RGSL1: variants seen among roughly 807,000 people sequenced by gnomAD.
RGSL1 encodes regulator of G protein signaling protein-like.
In RGSL1, 97 loss-of-function variants were observed where a neutral mutation model predicts 124.7. The observed-to-expected ratio is 0.78, with a 90% CI of 0.66 to 0.92. The LOEUF is 0.92. Among genes scored for constraint, RGSL1 ranks in the 40% least tolerant of loss-of-function variants. RGSL1 has a pLI of 0.00. For synonymous variants in RGSL1, 424 were observed against 438.1 expected (o/e 0.97, Z 0.40); for missense variants, 1,233 against 1,288.4 (o/e 0.96, Z 0.66).
chr1:182,486,202 A>AT (rs1324025409), intron 6 of RGSL1, among the ~76,000 whole-genome samples: 2 of 152,016 alleles, frequency 1.3e-5, no homozygotes, highest in Non-Finnish European at 2.9e-5. Context: ...ATTCATGACT[A>AT]TTATTTTAAT....
Position 182,478,002 on chromosome 1 carries a change from G to A in RGSL1, c.1431+3460G>A, listed in dbSNP as rs113612368. On this transcript the variant is annotated intron_variant, in intron 6 of 21. Transcript: ENST00000294854. Reference sequence around the variant, plus strand: ...CTAAAGAAATGGAGATCCATAAACTGCTTGACCAAATAATTCAAAATAACA... The same window carrying A: ...CTAAAGAAATGGAGATCCATAAACTACTTGACCAAATAATTCAAAATAACA... Among the ~76,000 whole-genome samples the A allele has an allele frequency of 5.0e-3, 759 of 152,212 alleles. 7 individuals are homozygous for A. Among genetic ancestry groups the A allele is most frequent in the Admixed American group, 7.8e-3 (119 of 15,286 alleles).
At chr1:182,517,295 T>G (rs2102221762) in intron 9 of RGSL1, among the ~76,000 whole-genome samples, 1 of 142,054 alleles carries the variant, frequency 7.0e-6, no homozygotes, top group East Asian at 2.0e-4. Context: ...TTTTTTTTTG[T>G]ATTTTTCTCT....
chr1:182,472,616 G>C lies in RGSL1; in HGVS notation c.463+59G>C, dbSNP rs892915007. 5 of 1,450,052 alleles carry C rather than the reference G, an allele frequency of 3.4e-6. No homozygotes were observed. The African/African-American group carries it at 7.0e-5, about 20-fold the overall frequency. The allele number at this position is 1,450,052 out of a possible 1,614,324, so 89.8% of individuals were successfully genotyped here. A position where few individuals can be genotyped will look rare whatever the true frequency, so the allele number is the denominator to read the frequency against. ...CAACAAAAAAGTAAATCCAGTGTCT[G>C]ATAATCCTCAGTCTCCTTCTTTGCA... is the stretch of plus-strand genomic sequence containing the variant. On this transcript the variant is annotated intron_variant, in intron 5 of 21. Coordinates refer to ENST00000294854, the MANE Select transcript of RGSL1 (RefSeq NM_001137669.2).
At chr1:182,487,450 T>C (rs1655175730) in intron 6 of RGSL1, among the ~76,000 whole-genome samples, 1 of 152,190 alleles carries the variant, frequency 6.6e-6, no homozygotes, top group South Asian at 2.1e-4. Context: ...TTCCCAAACA[T>C]GTTCTTTCCT....
At chr1:182,492,628 C>CTTTTTTT (rs34513069) in intron 8 of RGSL1, among the ~76,000 whole-genome samples, 1 of 141,772 alleles carries the variant, frequency 7.1e-6, no homozygotes. Context: ...TTTAAATAAC[C>CTTTTTTT]TTTTTTTTTT....
intron 7 of RGSL1, 160 bp from the exon 8 acceptor site, chr1:182,488,820 G>A (rs1655306817): frequency 3.5e-6 from 2 of 568,326 alleles, no homozygotes; most frequent in African/African-American, 3.8e-5. Context: ...AGAAAAGGGT[G>A]GGGGTTGGCA....
chr1:182,493,004 T>G lies in RGSL1; in HGVS notation c.1718-18T>G, dbSNP rs1655647391. ...TTTGGACAACTAAACTCTATCTCTG[T>G]TTTTCCTTACTTCACAGACATAACT... On this transcript the variant is annotated intron_variant, in intron 8 of 21. Coordinates refer to ENST00000294854, the MANE Select transcript of RGSL1 (RefSeq NM_001137669.2). 3 of 1,495,416 alleles carry G rather than the reference T, an allele frequency of 2.0e-6. No individual in the cohort carries two copies. Among genetic ancestry groups the G allele is most frequent in the Non-Finnish European group, 2.7e-6 (3 of 1,095,956 alleles). 92.6% of individuals were successfully genotyped at this position (1,495,416 alleles called of 1,614,324 possible).
chr1:182,487,539 A>C (rs1021227180), intron 6 of RGSL1, among the ~76,000 whole-genome samples: 1 of 152,154 alleles, frequency 6.6e-6, no homozygotes, highest in Admixed American at 6.5e-5. Flanking sequence ...GCTCCTACTT[A>C]TCCTGCAAGG....
intron 6 of RGSL1, among the ~76,000 whole-genome samples, chr1:182,487,111 G>A (rs1021493880): frequency 4.0e-5 from 6 of 151,792 alleles, no homozygotes; most frequent in African/African-American, 4.8e-5. Flanking sequence ...CATATTGCTC[G>A]GATTCAATCA....
intron 8 of RGSL1, among the ~76,000 whole-genome samples, chr1:182,489,441 A>G (rs1399361708): frequency 6.6e-6 from 1 of 152,110 alleles, no homozygotes; most frequent in Non-Finnish European, 1.5e-5. Flanking sequence ...CTGACTGTAG[A>G]GCTCCCTGCT....
intron 4 of RGSL1, among the ~76,000 whole-genome samples, chr1:182,470,781 T>C (rs1405949004): frequency 2.0e-5 from 3 of 152,174 alleles, no homozygotes; most frequent in Admixed American, 1.3e-4. Context: ...TTAATAAACA[T>C]GTACTGAAAG....
Position 182,540,325 on chromosome 1 carries a change from G to A in RGSL1, c.2573G>A (p.Gly858Glu). Residue 858 changes from glycine (G) to glutamate (E), a missense_variant, in exon 15 of 22, where the codon GGA (glycine) becomes GAA (glutamate). Gly to Glu is a moderately conservative substitution (Grantham distance 98). Coordinates refer to ENST00000294854, the MANE Select transcript of RGSL1 (RefSeq NM_001137669.2). The part of the protein sequence containing the change: ...TNVRSADQEN[G>E]EITLVKRRIF... ...GTCCGGAGTGCAGACCAAGAGAATG[G>A]AGAAATAACCCTTGTAAAGCGTCGT... is the stretch of plus-strand genomic sequence containing the variant. The A allele has an allele frequency of 1.3e-6, 2 of 1,551,474 alleles. No individual in the cohort carries two copies. The highest frequency in any genetic ancestry group is 1.7e-6 in the Non-Finnish European group (2 of 1,146,790).
At chr1:182,495,522 C>A (rs1291001793) in intron 9 of RGSL1, among the ~76,000 whole-genome samples, 1 of 152,224 alleles carries the variant, frequency 6.6e-6, no homozygotes, top group East Asian at 1.9e-4. Flanking sequence ...CCAAACCATT[C>A]ATCACTGCCC....
intron 4 of RGSL1, among the ~76,000 whole-genome samples, chr1:182,468,045 A>G (rs1305396041): frequency 1.3e-5 from 2 of 152,238 alleles, no homozygotes. Context: ...CATCAGAGAA[A>G]TGCAAATCAA....
At chr1:182,449,263 TTATA>T (rs1264707286), upstream of RGSL1, 1 of 152,202 alleles carries the variant, frequency 6.6e-6, no homozygotes, top group Non-Finnish European at 1.5e-5. Flanking sequence ...TATTTGGTCT[TTATA>T]TATTCTAAAG....
At position 182,504,306 on chromosome 1, in the gene RGSL1, T is replaced by TATTGGTAC. The variant is rs1441005710; in HGVS notation, c.1825+11177_1825+11178insATTGGTAC. Among the ~76,000 whole-genome samples the TATTGGTAC allele has an allele frequency of 6.6e-5, 10 of 152,080 alleles. No homozygotes were observed. The East Asian group carries it at 1.9e-3, about 29-fold the overall frequency. ...CAGTTTCTCTTTATTGGTACTCTCTTTCGGTTAGACATAATTCTCCCGGGT... is the reference window on the plus strand; with the variant it reads ...CAGTTTCTCTTTATTGGTACTCTCTTATTGGTACTCGGTTAGACATAATTCTCCCGGGT... On this transcript the variant is annotated intron_variant, in intron 9 of 21. Coordinates refer to ENST00000294854, the MANE Select transcript of RGSL1 (RefSeq NM_001137669.2).
chr1:182,471,333 T>C, intron 4 of RGSL1: 1 of 457,468 alleles, frequency 2.2e-6, no homozygotes, highest in South Asian at 1.5e-5. Flanking sequence ...CAGAAATGCA[T>C]TGGCGGGGTC....
At chr1:182,538,623 T>A (rs1351272090) in intron 14 of RGSL1, among the ~76,000 whole-genome samples, 1 of 151,854 alleles carries the variant, frequency 6.6e-6, no homozygotes, top group Non-Finnish European at 1.5e-5. Context: ...AAAGCAAAAT[T>A]AAGTGTAGGA....
chr1:182,500,261 AAG>A (rs1271194197), intron 9 of RGSL1, among the ~76,000 whole-genome samples: 1 of 152,196 alleles, frequency 6.6e-6, no homozygotes, highest in South Asian at 2.1e-4. Flanking sequence ...CCATTTGTTG[AAG>A]AGACTCTTCT....
Sources: gnomAD v4.1 joint callset for allele counts (sites outside exome capture counted in the v4.1 genomes callset) on GRCh38, gnomAD v4.1.1 for gene constraint, MANE v1.5 for transcripts, NCBI Gene and HGNC (gene_info 2026-07-23, HGNC 2026-07-21) for gene names.